Variants in PLXDC2 observed in about 807,000 individuals in gnomAD.
PLXDC2 encodes plexin domain-containing protein 2.
PLXDC2 carries 40 observed loss-of-function variants against 68.9 expected under a neutral mutation model. The observed-to-expected ratio is 0.58, with a 90% confidence interval of 0.45 to 0.76. The LOEUF is 0.76. PLXDC2 is among the 30% of genes least tolerant of loss of function. The pLI, the probability that PLXDC2 is intolerant of heterozygous loss-of-function variation, is 0.00. For synonymous variants in PLXDC2, 243 were observed against 234.2 expected, an observed-to-expected ratio of 1.04 and a Z score of -0.34; for missense variants, 644 against 661.9, an observed-to-expected ratio of 0.97 and a Z score of 0.30.
At chr10:19,893,555 G>T (rs1262882330) in intron 1 of PLXDC2, among the ~76,000 whole-genome samples, 1 of 151,736 alleles carries the variant, frequency 6.6e-6, no homozygotes, top group Non-Finnish European at 1.5e-5. Context: ...TGATAACTTT[G>T]GGGCTTGATT....
At chr10:19,954,554 T>G (rs2131597756) in intron 1 of PLXDC2, among the ~76,000 whole-genome samples, 1 of 152,356 alleles carries the variant, frequency 6.6e-6, no homozygotes, top group South Asian at 2.1e-4. Flanking sequence ...GGCATGAGCG[T>G]TAATTTTGTT....
Position 20,111,534 on chromosome 10 carries a change from G to A in PLXDC2, c.542-31761G>A, listed in dbSNP as rs75700211. Among the ~76,000 whole-genome samples, 277 of 152,260 alleles carry A rather than the reference G, an allele frequency of 1.8e-3. 1 individual carries two copies. Among genetic ancestry groups the A allele is most frequent in the Middle Eastern group, 3.4e-3 (1 of 294 alleles). On this transcript the variant is annotated intron_variant, in intron 4 of 13. Coordinates refer to ENST00000377252, the MANE Select transcript of PLXDC2 (RefSeq NM_032812.9). Reference sequence around the variant, plus strand: ...CATACATATACTAACATTTGGTTTAGTTTAGTTCAAAAGATAAAACAAAAA... The same window carrying A: ...CATACATATACTAACATTTGGTTTAATTTAGTTCAAAAGATAAAACAAAAA...
chr10:19,979,468 T>G (rs1198583794), intron 1 of PLXDC2, among the ~76,000 whole-genome samples: 1 of 151,546 alleles, frequency 6.6e-6, no homozygotes, highest in Non-Finnish European at 1.5e-5. Context: ...AAGCTCCACC[T>G]CCCAGGTTCA....
chr10:20,126,130 T>C (rs1187495784), intron 4 of PLXDC2, among the ~76,000 whole-genome samples: 1 of 147,378 alleles, frequency 6.8e-6, no homozygotes, highest in East Asian at 2.0e-4. Context: ...TAATATATGT[T>C]ATATATGTGT....
intron 1 of PLXDC2, among the ~76,000 whole-genome samples, chr10:19,841,577 T>C (rs1236992464): frequency 6.6e-6 from 1 of 150,840 alleles, no homozygotes; most frequent in African/African-American, 2.4e-5. Context: ...TATCTGTCTA[T>C]CTATCATCTT....
chr10:20,072,493 G>GAGAAAGAAAGAAGAA (rs1836343711), intron 4 of PLXDC2, among the ~76,000 whole-genome samples: 1 of 80,776 alleles, frequency 1.2e-5, no homozygotes, highest in South Asian at 5.2e-4. Flanking sequence ...AAGAAAGAAA[G>GAGAAAGAAAGAAGAA]AGAAAGAAAG....
intron 1 of PLXDC2, among the ~76,000 whole-genome samples, chr10:19,927,776 A>T (rs1406211629): frequency 6.6e-6 from 1 of 151,928 alleles, no homozygotes; most frequent in Non-Finnish European, 1.5e-5. Context: ...CCTCCTTGAA[A>T]AATGAGAAGT....
intron 1 of PLXDC2, among the ~76,000 whole-genome samples, chr10:19,943,768 C>A (rs755422758): frequency 2.0e-5 from 3 of 152,130 alleles, no homozygotes; most frequent in Non-Finnish European, 4.4e-5. Flanking sequence ...TCATCTTGTC[C>A]TTTTAGATCT....
At chr10:20,069,768 CT>C (rs1370651319) in intron 4 of PLXDC2, among the ~76,000 whole-genome samples, 1 of 152,136 alleles carries the variant, frequency 6.6e-6, no homozygotes, top group African/African-American at 2.4e-5. Context: ...GAGTTTGAGG[CT>C]GCAGTGAGCT....
At chr10:20,173,110 T>G (rs1055243757) in intron 7 of PLXDC2, among the ~76,000 whole-genome samples, 1 of 152,250 alleles carries the variant, frequency 6.6e-6, no homozygotes, top group Admixed American at 6.5e-5. Flanking sequence ...TTCTCCTGAG[T>G]CTTCATGCTG....
chr10:20,084,967 C>A (rs1475198801), intron 4 of PLXDC2, among the ~76,000 whole-genome samples: 4 of 151,882 alleles, frequency 2.6e-5, no homozygotes, highest in Non-Finnish European at 5.9e-5. Flanking sequence ...ATCTCAGTGG[C>A]ATCTTTCTTT....
intron 1 of PLXDC2, among the ~76,000 whole-genome samples, chr10:19,891,207 T>G (rs902630464): frequency 6.6e-6 from 1 of 152,180 alleles, no homozygotes; most frequent in East Asian, 1.9e-4. Context: ...AACAAAAAAG[T>G]ATTGGGTACT....
chr10:20,237,393 G>A (rs1835448241), intron 12 of PLXDC2, among the ~76,000 whole-genome samples: 1 of 151,972 alleles, frequency 6.6e-6, no homozygotes, highest in Non-Finnish European at 1.5e-5. Context: ...GAACTAAGAG[G>A]ATTATGAAAA....
intron 4 of PLXDC2, among the ~76,000 whole-genome samples, chr10:20,134,827 C>A (rs920777447): frequency 3.3e-5 from 5 of 152,038 alleles, no homozygotes; most frequent in Non-Finnish European, 7.4e-5. Context: ...GTCACATGGG[C>A]CAGCCTGGAG....
At chr10:20,213,892 C>G (rs79581818) in intron 10 of PLXDC2, among the ~76,000 whole-genome samples, 1,884 of 152,152 alleles carry the variant, frequency 0.012, 35 homozygotes, top group African/African-American at 0.042. Flanking sequence ...GAAAGCTTGC[C>G]ATTTTCATCT....
chr10:20,013,719 A>G (rs1835155691), intron 2 of PLXDC2, among the ~76,000 whole-genome samples: 1 of 152,202 alleles, frequency 6.6e-6, no homozygotes, highest in Admixed American at 6.5e-5. Context: ...TGTCCATTGT[A>G]AACAGGATTA....
chr10:19,867,931 A>G (rs1041556518), intron 1 of PLXDC2, among the ~76,000 whole-genome samples: 6 of 152,172 alleles, frequency 3.9e-5, no homozygotes, highest in Admixed American at 1.3e-4. Flanking sequence ...TTGTAATAAA[A>G]TGTCTGTAAA....
At chr10:20,244,350 T>C (rs1162330036) in intron 12 of PLXDC2, among the ~76,000 whole-genome samples, 1 of 152,194 alleles carries the variant, frequency 6.6e-6, no homozygotes, top group African/African-American at 2.4e-5. Context: ...TATTACTTTA[T>C]AAATTTAATT....
intron 9 of PLXDC2, among the ~76,000 whole-genome samples, chr10:20,193,733 C>T (rs1001619790): frequency 1.3e-5 from 2 of 152,028 alleles, no homozygotes; most frequent in African/African-American, 4.8e-5. Context: ...CATAAGATGA[C>T]ATTAAGTGTA....
Sources: allele counts gnomAD v4.1 joint callset (sites outside exome capture counted in the v4.1 genomes callset), GRCh38; gene constraint gnomAD v4.1.1; transcripts MANE v1.5; gene names NCBI Gene and HGNC (gene_info 2026-07-23, HGNC 2026-07-21).